The following JAKMIP3 variants were observed in gnomAD, a reference collection of about 807,000 sequenced individuals.
JAKMIP3 encodes janus kinase and microtubule-interacting protein 3.
Under a neutral mutation model 118.5 loss-of-function variants are expected in JAKMIP3, and 58 were observed. The observed-to-expected ratio is 0.49, with a 90% CI of 0.40 to 0.61. JAKMIP3 has a LOEUF of 0.61. Ranked by LOEUF, JAKMIP3 falls within the 20% of genes least tolerant of loss-of-function variation. The probability of loss-of-function intolerance (pLI) is 0.00; values close to 1 mark genes in which losing one functional copy is unlikely to be tolerated. For synonymous variants in JAKMIP3, 486 were observed against 451.2 expected (o/e 1.08, Z -0.98); for missense variants, 950 against 1,109.0 (o/e 0.86, Z 2.04).
chr10:132,147,816 C>A (rs962948030), intron 13 of JAKMIP3, 136 bp from the exon 14 acceptor site: 2 of 602,914 alleles, frequency 3.3e-6, no homozygotes, highest in Non-Finnish European at 2.9e-6. Flanking sequence ...GGCTGTGAGG[C>A]GCTTCCAGGG....
At chr10:132,166,124 G>C (rs1464244383) in intron 21 of JAKMIP3, among the ~76,000 whole-genome samples, 3 of 152,166 alleles carry the variant, frequency 2.0e-5, no homozygotes, top group Non-Finnish European at 4.4e-5. Flanking sequence ...AGGATTTCAA[G>C]ACCAGCCTGG....
chr10:132,157,238 A>G (rs2057206590), intron 19 of JAKMIP3, among the ~76,000 whole-genome samples: 1 of 152,122 alleles, frequency 6.6e-6, no homozygotes, highest in African/African-American at 2.4e-5. Flanking sequence ...GTGTAACCAC[A>G]TGTGTGCGCA....
In JAKMIP3 at chr10:132,168,093, T is replaced by C; in HGVS notation, c.*163T>C. 1 of 1,289,004 alleles carries C rather than the reference T, an allele frequency of 7.8e-7. No individual in the cohort carries two copies. The highest frequency in any genetic ancestry group is 1.0e-6 in the Non-Finnish European group (1 of 988,628). 79.8% of individuals were successfully genotyped at this position (1,289,004 alleles called of 1,614,324 possible). ...GTGGAGGAAGAGTGAGAAGGGGCAGTGTGTGGGGCGTGGAGCTGCCGTCCA... is the reference window on the plus strand; with the variant it reads ...GTGGAGGAAGAGTGAGAAGGGGCAGCGTGTGGGGCGTGGAGCTGCCGTCCA... On this transcript the variant is annotated 3_prime_UTR_variant, in exon 23 of 24. Coordinates refer to ENST00000684848, the MANE Select transcript of JAKMIP3 (RefSeq NM_001323087.2).
Position 132,083,069 on chromosome 10 carries a change from G to A in JAKMIP3, c.-138+17008G>A, listed in dbSNP as rs147124178. Among the ~76,000 whole-genome samples, 691 of 152,270 alleles carry A rather than the reference G, an allele frequency of 4.5e-3. 9 individuals are homozygous for A. Among genetic ancestry groups the A allele is most frequent in the African/African-American group, 0.015 (632 of 41,550 alleles). On this transcript the variant is annotated intron_variant, in intron 1 of 23. Transcript: ENST00000684848. Reference sequence around the variant, plus strand: ...GTAGATACCCAGTAGTGGGATTGCCGGATCAAATGGTAGATCTAGTTCTTT... The same window carrying A: ...GTAGATACCCAGTAGTGGGATTGCCAGATCAAATGGTAGATCTAGTTCTTT...
At position 132,078,195 on chromosome 10, in the gene JAKMIP3, T is replaced by C. The variant is rs964253362; in HGVS notation, c.-138+12134T>C. On this transcript the variant is annotated intron_variant, in intron 1 of 23. Coordinates refer to ENST00000684848, the MANE Select transcript of JAKMIP3 (RefSeq NM_001323087.2). ...TACCAGTTTATCTAGTGAGAACTTA[T>C]TGGTTTGTTATTACATTTCACAACC... Among the ~76,000 whole-genome samples, 92 of 58,478 alleles carry C rather than the reference T, an allele frequency of 1.6e-3. No individual in the cohort carries two copies. The African/African-American group carries it at 0.019, about 12-fold the overall frequency. 38.4% of individuals were successfully genotyped at this position (58,478 alleles called of 152,430 possible).
intron 1 of JAKMIP3, among the ~76,000 whole-genome samples, chr10:132,093,156 G>A (rs1056360114): frequency 4.6e-5 from 7 of 152,202 alleles, no homozygotes; most frequent in East Asian, 1.9e-4. Flanking sequence ...GTGCCCGGCC[G>A]TGTGAGGTGT....
intron 1 of JAKMIP3, among the ~76,000 whole-genome samples, chr10:132,038,684 C>T (rs2037599844): frequency 1.3e-5 from 2 of 150,296 alleles, no homozygotes; most frequent in African/African-American, 2.5e-5. Context: ...CCCAGCTCCT[C>T]GGGATGGTGA....
intron 23 of JAKMIP3, among the ~76,000 whole-genome samples, chr10:132,180,644 T>TGCGTGC (rs2060943915): frequency 4.1e-5 from 1 of 24,300 alleles, no homozygotes; most frequent in African/African-American, 2.0e-4. Flanking sequence ...CGTGCGTGTG[T>TGCGTGC]GCGTGTGCGT....
chr10:132,051,535 A>C (rs2038106527), intron 1 of JAKMIP3, among the ~76,000 whole-genome samples: 1 of 151,508 alleles, frequency 6.6e-6, no homozygotes, highest in Non-Finnish European at 1.5e-5. Context: ...ACTTTTGTGA[A>C]GTGCCTGTTG....
At chr10:132,139,238 ATC>A (rs2052684822) in intron 9 of JAKMIP3, among the ~76,000 whole-genome samples, 1 of 89,966 alleles carries the variant, frequency 1.1e-5, no homozygotes, top group Admixed American at 1.0e-4. Context: ...GTGTATATGC[ATC>A]TGTGTGTGTA....
chr10:132,180,921 GTGTATTT>G (rs1363165073), intron 23 of JAKMIP3, among the ~76,000 whole-genome samples: 3 of 151,602 alleles, frequency 2.0e-5, no homozygotes, highest in Non-Finnish European at 2.9e-5. Context: ...GTGCCTGTAT[GTGTATTT>G]TGCATTGTGT....
rs2047866294 is a variant in JAKMIP3, at chr10:132,117,521, C to T, written c.580C>T (p.Gln194Ter). ...GATCCGCAGCGTGTACCACCTGCAC[C>T]AGGAGGAGATCACCCGCATCAAGAA... ...AEIRSVYHLH[Q>*]EEITRIKKEC... The change falls in exon 3 of 24, where the codon CAG becomes TAG. Residue 194 changes from glutamine to a stop codon, truncating the protein, a stop_gained. Transcript: ENST00000684848. LOFTEE classifies it high-confidence loss of function. The surrounding 1 kb of genome is among the most constrained non-coding windows in gnomAD (Gnocchi z 8.6). 6.2e-7 allele frequency: 1 copy of T among 1,600,258 alleles called. No individual in the cohort carries two copies.
intron 1 of JAKMIP3, among the ~76,000 whole-genome samples, chr10:132,099,292 G>A (rs2044456457): frequency 6.6e-6 from 1 of 152,162 alleles, no homozygotes; most frequent in African/African-American, 2.4e-5. Flanking sequence ...TCCATCAGCT[G>A]TAAAGCTTTG....
rs372742124 is a variant in JAKMIP3, at chr10:132,097,906, C to T, written c.-137-6766C>T. On this transcript the variant is annotated intron_variant, in intron 1 of 23. Transcript: ENST00000684848. ...TTTTCTTCCCTTCCCCTTCCCCTTCCCCTTCCCCTTCCCCTTTCCTTCCCC... is the reference window on the plus strand; with the variant it reads ...TTTTCTTCCCTTCCCCTTCCCCTTCTCCTTCCCCTTCCCCTTTCCTTCCCC... Among the ~76,000 whole-genome samples the T allele has an allele frequency of 4.8e-3, 340 of 71,048 alleles. 18 individuals carry two copies. Among genetic ancestry groups the T allele is most frequent in the African/African-American group, 0.014 (300 of 20,752 alleles). 46.6% of individuals were successfully genotyped at this position (71,048 alleles called of 152,430 possible).
chr10:132,133,384 G>T lies in JAKMIP3; in HGVS notation c.706G>T (p.Ala236Ser). ...ERELGVQAGH[A>S]QRLQLQKEAL... ...AGAGTTAGGGGTTCAAGCCGGGCAT[G>T]CTCAGAGACTGCAGCTCCAAAAAGA... The change falls in exon 4 of 24, where the codon GCT (alanine) becomes TCT (serine). Residue 236 changes from alanine (A) to serine (S), a missense_variant. By Grantham distance (99) the Ala-to-Ser change is moderately conservative. Coordinates refer to ENST00000684848, the MANE Select transcript of JAKMIP3 (RefSeq NM_001323087.2). The T allele has an allele frequency of 6.2e-7, 1 of 1,602,792 alleles. No individual in the cohort carries two copies. Among genetic ancestry groups the T allele is most frequent in the East Asian group, 2.3e-5 (1 of 44,410 alleles).
At chr10:132,155,338 G>A (rs2056964310) in intron 19 of JAKMIP3, among the ~76,000 whole-genome samples, 1 of 152,200 alleles carries the variant, frequency 6.6e-6, no homozygotes, top group African/African-American at 2.4e-5. Context: ...ACAGAAGCTG[G>A]TGACCTGCCC....
intron 1 of JAKMIP3, among the ~76,000 whole-genome samples, chr10:132,051,799 G>A (rs76692184): frequency 0.049 from 7,492 of 152,190 alleles, 239 homozygotes; most frequent in Middle Eastern, 0.078. Flanking sequence ...TAGAGATGGC[G>A]TTTCGCCACA....
intron 1 of JAKMIP3, among the ~76,000 whole-genome samples, chr10:132,047,820 T>TC (rs71009999): frequency 0.14 from 12,188 of 87,454 alleles, 801 homozygotes; most frequent in Middle Eastern, 0.22. Flanking sequence ...GAGCTGTGTG[T>TC]CCCCCCACCC....
chr10:132,110,261 G>A (rs1021433449), intron 2 of JAKMIP3, among the ~76,000 whole-genome samples: 2 of 152,118 alleles, frequency 1.3e-5, no homozygotes, highest in African/African-American at 4.8e-5. Flanking sequence ...GGTGGCCTAG[G>A]CGGCATCTGG....
Sources: gnomAD v4.1 joint callset for allele counts (sites outside exome capture counted in the v4.1 genomes callset) on GRCh38, gnomAD v4.1.1 for gene constraint, Gnocchi (gnomAD v3.1) non-coding constraint, MANE v1.5 for transcripts, NCBI Gene and HGNC (gene_info 2026-07-23, HGNC 2026-07-21) for gene names.